Variants in CDC14A observed in about 807,000 individuals in gnomAD.
CDC14A encodes the protein dual specificity protein phosphatase CDC14A.
In CDC14A, 53 loss-of-function variants were observed where a neutral mutation model predicts 74.4. The observed-to-expected ratio is 0.71, with a 90% CI of 0.57 to 0.89. The LOEUF (loss-of-function observed/expected upper bound fraction) is 0.89. Among genes scored for constraint, CDC14A ranks in the 40% least tolerant of loss-of-function variants. CDC14A has a pLI of 0.00. For synonymous variants in CDC14A, 247 were observed against 258.4 expected, an observed-to-expected ratio of 0.96 and a Z score of 0.43; for missense variants, 646 against 713.7, an observed-to-expected ratio of 0.91 and a Z score of 1.08.
intron 2 of CDC14A, among the ~76,000 whole-genome samples, chr1:100,367,000 A>G (rs1653721597): frequency 6.6e-6 from 1 of 151,748 alleles, no homozygotes; most frequent in Non-Finnish European, 1.5e-5. Flanking sequence ...CCAAAAGACT[A>G]CTCCCCTCTG....
At chr1:100,372,294 A>C (rs2100931139) in intron 2 of CDC14A, among the ~76,000 whole-genome samples, 1 of 152,296 alleles carries the variant, frequency 6.6e-6, no homozygotes, top group Non-Finnish European at 1.5e-5. Flanking sequence ...TTAAAATAAG[A>C]CAGCAGTGAA....
intron 4 of CDC14A, among the ~76,000 whole-genome samples, chr1:100,419,555 A>C (rs1258587618): frequency 6.6e-6 from 1 of 152,290 alleles, no homozygotes; most frequent in East Asian, 1.9e-4. Context: ...GCTTCAGCCC[A>C]AAGCACACAT....
intron 2 of CDC14A, 29 bp downstream of exon 2, chr1:100,353,881 T>A (rs559383181): frequency 7.5e-7 from 1 of 1,341,688 alleles, no homozygotes; most frequent in African/African-American, 1.4e-5. Flanking sequence ...TTTTTTTCTC[T>A]TGGCCATTCA....
At chr1:100,442,391 A>G (rs1261761656) in intron 6 of CDC14A, among the ~76,000 whole-genome samples, 3 of 146,744 alleles carry the variant, frequency 2.0e-5, no homozygotes, top group Non-Finnish European at 4.5e-5. Flanking sequence ...ACTATATATT[A>G]TATATAAATA....
chr1:100,420,001 TATATATATATAC>T (rs1297074890), intron 4 of CDC14A, among the ~76,000 whole-genome samples: 1 of 128,560 alleles, frequency 7.8e-6, no homozygotes, highest in Non-Finnish European at 1.6e-5. Context: ...CTTTTAAATA[TATATATATATAC>T]ATATATATAT....
At chr1:100,475,356 T>A (rs1323210102) in intron 10 of CDC14A, among the ~76,000 whole-genome samples, 1 of 152,256 alleles carries the variant, frequency 6.6e-6, no homozygotes, top group African/African-American at 2.4e-5. Context: ...TACTTTTAAA[T>A]CTTTGTCAAA....
At chr1:100,386,187 A>G (rs1260072533) in intron 3 of CDC14A, among the ~76,000 whole-genome samples, 1 of 151,740 alleles carries the variant, frequency 6.6e-6, no homozygotes, top group Non-Finnish European at 1.5e-5. Context: ...AAAGAAGAGT[A>G]TTTGTTCCAG....
At chr1:100,431,088 AC>A (rs1055278257) in intron 5 of CDC14A, among the ~76,000 whole-genome samples, 1 of 152,146 alleles carries the variant, frequency 6.6e-6, no homozygotes, top group Non-Finnish European at 1.5e-5. Context: ...GAATAAGTGT[AC>A]CCCCATGAAA....
chr1:100,370,805 A>G (rs1232453457), intron 2 of CDC14A, among the ~76,000 whole-genome samples: 1 of 152,134 alleles, frequency 6.6e-6, no homozygotes, highest in African/African-American at 2.4e-5. Flanking sequence ...TTTTGGTTCC[A>G]TATGAATTTT....
intron 7 of CDC14A, among the ~76,000 whole-genome samples, chr1:100,451,968 A>G (rs1666189013): frequency 6.6e-6 from 1 of 152,220 alleles, no homozygotes. Context: ...AGTCCTTGAT[A>G]TATAATAAAG....
intron 5 of CDC14A, among the ~76,000 whole-genome samples, chr1:100,438,935 G>C (rs991048249): frequency 2.6e-5 from 4 of 152,172 alleles, no homozygotes; most frequent in African/African-American, 9.7e-5. Context: ...GTGTCTGCCT[G>C]CTCTGTTTCT....
At chr1:100,510,961 G>T (rs1326075318) in intron 15 of CDC14A, among the ~76,000 whole-genome samples, 1 of 152,198 alleles carries the variant, frequency 6.6e-6, no homozygotes, top group African/African-American at 2.4e-5. Flanking sequence ...TTTATCAGAA[G>T]TAATTTCCTC....
At chr1:100,412,719 T>TAAA (rs1660940702) in intron 4 of CDC14A, among the ~76,000 whole-genome samples, 1 of 102,440 alleles carries the variant, frequency 9.8e-6, no homozygotes. Flanking sequence ...TATATATATA[T>TAAA]ATATTTTATA....
At chr1:100,443,782 G>C (rs929228590) in intron 7 of CDC14A, among the ~76,000 whole-genome samples, 2 of 152,160 alleles carry the variant, frequency 1.3e-5, no homozygotes, top group East Asian at 1.9e-4. Flanking sequence ...GCAGGCAAAG[G>C]CTATCTCCAA....
intron 4 of CDC14A, among the ~76,000 whole-genome samples, chr1:100,418,929 A>T (rs949697514): frequency 6.6e-6 from 1 of 152,218 alleles, no homozygotes; most frequent in Non-Finnish European, 1.5e-5. Flanking sequence ...TCACGCCTGT[A>T]ATCCCAGCAC....
At chr1:100,452,573 CA>C (rs1242725325) in intron 7 of CDC14A, among the ~76,000 whole-genome samples, 1 of 152,098 alleles carries the variant, frequency 6.6e-6, no homozygotes, top group Non-Finnish European at 1.5e-5. Context: ...TTGAGTGCAC[CA>C]GGAGAGTGAG....
At position 100,352,929 on chromosome 1, in the gene CDC14A, C is replaced by G; in HGVS notation, c.-26C>G. On this transcript the variant is annotated 5_prime_UTR_variant, in exon 1 of 16. Coordinates refer to ENST00000336454, the MANE Select transcript of CDC14A (RefSeq NM_003672.4). ...TGACTTCAGCTGGCCACGACCCAGC[C>G]CTCCCCCGTGCGTATCTCGCTTAAG... The G allele has an allele frequency of 6.2e-7, 1 of 1,613,602 alleles. No homozygotes were observed.
intron 2 of CDC14A, among the ~76,000 whole-genome samples, chr1:100,376,277 T>A (rs558424288): frequency 6.6e-6 from 1 of 152,140 alleles, no homozygotes; most frequent in South Asian, 2.1e-4. Context: ...GTTGTGCACA[T>A]GTACCCTAGA....
chr1:100,497,989 C>G, intron 13 of CDC14A, 96 bp from the exon 14 acceptor site: 6 of 1,348,930 alleles, frequency 4.4e-6, no homozygotes, highest in Middle Eastern at 1.9e-4. Flanking sequence ...GTCATGATAT[C>G]TTTAAGATTG....
Sources: gnomAD v4.1 joint callset for allele counts (sites outside exome capture counted in the v4.1 genomes callset) on GRCh38, gnomAD v4.1.1 for gene constraint, MANE v1.5 for transcripts, NCBI Gene and HGNC (gene_info 2026-07-23, HGNC 2026-07-21) for gene names.